Variants in RIC1 observed in about 807,000 individuals in gnomAD.
RIC1 encodes the protein RIC1 partner of RAB6A GEF complex, also known as guanine nucleotide exchange factor subunit RIC1.
Under a neutral mutation model 169.0 loss-of-function variants are expected in RIC1, and 88 were observed. That is an observed-to-expected ratio of 0.52 (90% CI 0.44 to 0.62). The LOEUF (loss-of-function observed/expected upper bound fraction) is 0.62, where lower values mean the gene tolerates loss of function less well. RIC1 is among the 20% of genes least tolerant of loss of function. The probability of loss-of-function intolerance (pLI) is 0.00; values close to 1 mark genes in which losing one functional copy is unlikely to be tolerated. For synonymous variants in RIC1, 790 were observed against 601.5 expected, an observed-to-expected ratio of 1.31 and a Z score of -4.59; for missense variants, 1,877 against 1,725.5, an observed-to-expected ratio of 1.09 and a Z score of -1.56.
chr9:5,735,809 C>G (rs1033020012), intron 7 of RIC1, among the ~76,000 whole-genome samples: 12 of 152,200 alleles, frequency 7.9e-5, no homozygotes, highest in African/African-American at 2.9e-4. Flanking sequence ...ATTCTGGTTA[C>G]ACATTTTGTC....
At chr9:5,682,158 A>G (rs905066702) in intron 2 of RIC1, among the ~76,000 whole-genome samples, 1 of 152,166 alleles carries the variant, frequency 6.6e-6, no homozygotes. Flanking sequence ...GCCCATTTAC[A>G]TTTAAGGTTA....
intron 2 of RIC1, among the ~76,000 whole-genome samples, chr9:5,677,773 G>T (rs770643032): frequency 2.6e-5 from 4 of 151,890 alleles, no homozygotes; most frequent in Non-Finnish European, 5.9e-5. Flanking sequence ...AGCATTATAT[G>T]TAAATTAAAA....
intron 1 of RIC1, among the ~76,000 whole-genome samples, chr9:5,646,552 T>C (rs1477644565): frequency 6.6e-6 from 1 of 152,226 alleles, no homozygotes; most frequent in Non-Finnish European, 1.5e-5. Context: ...ATGTATTCAG[T>C]ATAGTAATAT....
chr9:5,749,528 T>C (rs1281372913), intron 12 of RIC1, among the ~76,000 whole-genome samples: 1 of 152,182 alleles, frequency 6.6e-6, no homozygotes, highest in Non-Finnish European at 1.5e-5. Flanking sequence ...TTTGCGTGAT[T>C]TATTCGTTGT....
chr9:5,774,253 G>C lies in RIC1; in HGVS notation c.*7G>C. The C allele has an allele frequency of 1.3e-6, 2 of 1,593,414 alleles. No homozygotes were observed. Among genetic ancestry groups the C allele is most frequent in the East Asian group, 2.2e-5 (1 of 44,714 alleles). ...CGACTGTTCTGTGTCCTAACAGTGA[G>C]GTTCCATCACAAAGGGGCAGTATTA... On this transcript the variant is annotated 3_prime_UTR_variant, in exon 26 of 26. Transcript: ENST00000414202.
At chr9:5,701,238 G>A (rs980163144) in intron 3 of RIC1, among the ~76,000 whole-genome samples, 2 of 152,274 alleles carry the variant, frequency 1.3e-5, no homozygotes, top group South Asian at 4.1e-4. Context: ...CACTCCTGAT[G>A]GAGATATTTA....
chr9:5,675,067 G>A (rs1032121627), intron 2 of RIC1, among the ~76,000 whole-genome samples: 6 of 152,198 alleles, frequency 3.9e-5, no homozygotes, highest in Non-Finnish European at 5.9e-5. Context: ...AATGGTGAGC[G>A]CACACTTGGA....
intron 1 of RIC1, among the ~76,000 whole-genome samples, chr9:5,643,502 T>C (rs535052870): frequency 6.6e-6 from 1 of 152,208 alleles, no homozygotes; most frequent in South Asian, 2.1e-4. Context: ...GGTGAAACCC[T>C]TTCTCAAAAA....
At chr9:5,653,065 A>G (rs1818895203) in intron 1 of RIC1, among the ~76,000 whole-genome samples, 1 of 152,154 alleles carries the variant, frequency 6.6e-6, no homozygotes, top group Non-Finnish European at 1.5e-5. Context: ...CTTGATCATG[A>G]TGAATTGTTG....
chr9:5,758,722 C>CTTTTTTTTT, intron 17 of RIC1, among the ~76,000 whole-genome samples: 1 of 98,434 alleles, frequency 1.0e-5, no homozygotes, highest in South Asian at 3.4e-4. Context: ...GGTCTCCCTT[C>CTTTTTTTTT]TTTTTTTTTT....
rs182447241 is a variant in RIC1, at chr9:5,690,933, A to G, written c.332+895A>G. Among the ~76,000 whole-genome samples the G allele has an allele frequency of 1.2e-4, 18 of 152,026 alleles. No homozygotes were observed. In the East Asian group the frequency reaches 3.5e-3, roughly 29 times the overall value. On this transcript the variant is annotated intron_variant, in intron 3 of 25. Transcript: ENST00000414202. ...AGTATTTAGACCCAGTAGTAACCCA[A>G]ATAAAATAAACGTTAAATAAAATAA... is the stretch of plus-strand genomic sequence containing the variant.
chr9:5,720,549 C>A, intron 5 of RIC1, 65 bp from the exon 6 acceptor site: 1 of 1,462,290 alleles, frequency 6.8e-7, no homozygotes, highest in Non-Finnish European at 9.2e-7. Context: ...GTTTTTCTGG[C>A]AAAAAGTGAG....
At chr9:5,689,716 A>G (rs534714707) in intron 2 of RIC1, among the ~76,000 whole-genome samples, 7 of 152,336 alleles carry the variant, frequency 4.6e-5, no homozygotes, top group East Asian at 1.9e-4. Flanking sequence ...GAGAGTATGC[A>G]TGTCTAGAAT....
In RIC1 at chr9:5,685,962, C is replaced by T. The variant is rs1366136207; in HGVS notation, c.253-3997C>T. The stretch of plus-strand genomic sequence containing the variant: ...ACAAACAAACCCATCAAAAAGTGGG[C>T]GAAGGACATGAACAGACACTTCTGA... On this transcript the variant is annotated intron_variant, in intron 2 of 25. Coordinates refer to ENST00000414202, the MANE Select transcript of RIC1 (RefSeq NM_020829.4). Among the ~76,000 whole-genome samples the T allele has an allele frequency of 4.3e-4, 66 of 151,884 alleles. No individual in the cohort carries two copies. The South Asian group carries it at 0.011, about 26-fold the overall frequency.
intron 1 of RIC1, among the ~76,000 whole-genome samples, chr9:5,649,738 TG>T (rs1400387032): frequency 8.4e-6 from 1 of 118,868 alleles, no homozygotes; most frequent in Non-Finnish European, 1.8e-5. Context: ...CATAATTTCT[TG>T]TTTTTTTTTT....
At chr9:5,730,222 A>G (rs1824279684) in intron 6 of RIC1, among the ~76,000 whole-genome samples, 1 of 152,208 alleles carries the variant, frequency 6.6e-6, no homozygotes, top group Non-Finnish European at 1.5e-5. Context: ...GGACTAGATT[A>G]TTAGGACAGA....
Position 5,629,388 on chromosome 9 carries a change from TCCGAC to T in RIC1, c.83_87del (p.Asp28AlafsTer21). Reference sequence around the variant, plus strand: ...GGCCGAGGCGCCTTTCCACGTTCAGTCCGACCCGCAGAGGGCTTTCTTCGCCGTGC... The same window carrying T: ...GGCCGAGGCGCCTTTCCACGTTCAGTCCGCAGAGGGCTTTCTTCGCCGTGC... On this transcript the variant is annotated frameshift_variant, in exon 1 of 26. Coordinates refer to ENST00000414202, the MANE Select transcript of RIC1 (RefSeq NM_020829.4). LOFTEE classifies it high-confidence loss of function. 6.5e-7 allele frequency: 1 copy of T among 1,534,342 alleles called. No homozygotes were observed. The highest frequency in any genetic ancestry group is 8.7e-7 in the Non-Finnish European group (1 of 1,146,212).
intron 2 of RIC1, among the ~76,000 whole-genome samples, chr9:5,661,183 G>A (rs960279377): frequency 3.9e-5 from 6 of 151,970 alleles, no homozygotes; most frequent in African/African-American, 1.2e-4. Flanking sequence ...ATTCTGTTAC[G>A]TTGGTCTATG....
intron 6 of RIC1, among the ~76,000 whole-genome samples, chr9:5,730,662 T>G (rs1438028323): frequency 6.6e-6 from 1 of 152,120 alleles, no homozygotes; most frequent in Non-Finnish European, 1.5e-5. Context: ...GGGAGACTTT[T>G]GGGTACTCAT....
Sources: allele counts gnomAD v4.1 joint callset (sites outside exome capture counted in the v4.1 genomes callset), GRCh38; gene constraint gnomAD v4.1.1; transcripts MANE v1.5; gene names NCBI Gene and HGNC (gene_info 2026-07-23, HGNC 2026-07-21).